Variants in STOX1 observed in about 807,000 individuals in gnomAD.
The protein encoded by STOX1 is storkhead box 1, also known as storkhead-box protein 1.
In STOX1, 57 loss-of-function variants were observed where a neutral mutation model predicts 74.8. The observed-to-expected ratio is 0.76, with a 90% CI of 0.62 to 0.95. The LOEUF (loss-of-function observed/expected upper bound fraction) is 0.95, where lower values mean the gene tolerates loss of function less well. Ranked by LOEUF, STOX1 falls within the 40% of genes least tolerant of loss-of-function variation. The pLI is 0.00. For missense variants in STOX1, 1,010 were observed against 1,117.0 expected, an observed-to-expected ratio of 0.90 and a Z score of 1.37; for synonymous variants, 375 against 401.3, an observed-to-expected ratio of 0.93 and a Z score of 0.78.
intron 1 of STOX1, among the ~76,000 whole-genome samples, chr10:68,875,102 A>C (rs1840643779): frequency 6.6e-6 from 1 of 152,144 alleles, no homozygotes; most frequent in African/African-American, 2.4e-5. Context: ...ATGTGGAGTG[A>C]ATGTACTATT....
intron 1 of STOX1, among the ~76,000 whole-genome samples, chr10:68,828,683 G>A (rs1328256433): frequency 1.3e-5 from 2 of 152,150 alleles, no homozygotes; most frequent in Non-Finnish European, 2.9e-5. Flanking sequence ...TACCATATCT[G>A]GCAGCTTTAT....
chr10:68,833,309 G>C (rs756424527), intron 1 of STOX1, among the ~76,000 whole-genome samples: 13 of 151,870 alleles, frequency 8.6e-5, no homozygotes, highest in Non-Finnish European at 1.8e-4. Context: ...GGCTGGTCTG[G>C]AACTCCCGAC....
At chr10:68,835,413 C>G (rs1407031798) in intron 1 of STOX1, among the ~76,000 whole-genome samples, 1 of 152,054 alleles carries the variant, frequency 6.6e-6, no homozygotes, top group Non-Finnish European at 1.5e-5. Flanking sequence ...GCCTTGAACT[C>G]CTGGGCTAAA....
chr10:68,888,053 T>G (rs1841005784), intron 3 of STOX1, among the ~76,000 whole-genome samples: 2 of 151,462 alleles, frequency 1.3e-5, no homozygotes, highest in African/African-American at 4.9e-5. Flanking sequence ...ACACCTATAC[T>G]TATTCTAACA....
At chr10:68,853,269 C>T (rs1035219146) in intron 1 of STOX1, among the ~76,000 whole-genome samples, 5 of 152,062 alleles carry the variant, frequency 3.3e-5, no homozygotes, top group African/African-American at 1.2e-4. Flanking sequence ...GGACCCAATC[C>T]GCTGGGTTCG....
At chr10:68,861,184 G>A (rs1336797689) in intron 1 of STOX1, among the ~76,000 whole-genome samples, 5 of 152,106 alleles carry the variant, frequency 3.3e-5, no homozygotes, top group African/African-American at 1.2e-4. Flanking sequence ...GTGGTATTGG[G>A]GGGCTAACAG....
chr10:68,888,840 G>A, intron 3 of STOX1, among the ~76,000 whole-genome samples: 1 of 92,314 alleles, frequency 1.1e-5, no homozygotes, highest in East Asian at 3.4e-4. Context: ...TTTTTGGAGA[G>A]ATGGGGTTTC....
At chr10:68,873,082 T>G (rs1205887360) in intron 1 of STOX1, among the ~76,000 whole-genome samples, 1 of 152,020 alleles carries the variant, frequency 6.6e-6, no homozygotes, top group Non-Finnish European at 1.5e-5. Flanking sequence ...TCATCATAGA[T>G]CACTGCAGCC....
At chr10:68,861,289 T>A (rs898028997) in intron 1 of STOX1, among the ~76,000 whole-genome samples, 3 of 152,126 alleles carry the variant, frequency 2.0e-5, no homozygotes, top group African/African-American at 7.3e-5. Context: ...ATAGATTAAC[T>A]AAAAGTATTC....
At chr10:68,832,196 G>A (rs1418995273) in intron 1 of STOX1, among the ~76,000 whole-genome samples, 2 of 152,130 alleles carry the variant, frequency 1.3e-5, no homozygotes, top group African/African-American at 4.8e-5. Context: ...GGGAGGTGGG[G>A]CACCTGTATT....
chr10:68,863,488 C>T (rs1054975543), intron 1 of STOX1, among the ~76,000 whole-genome samples: 6 of 151,854 alleles, frequency 4.0e-5, no homozygotes, highest in Non-Finnish European at 8.8e-5. Flanking sequence ...TGGATAATAG[C>T]TTTAGCTTCT....
At chr10:68,871,859 T>C (rs1840543037) in intron 1 of STOX1, among the ~76,000 whole-genome samples, 1 of 152,236 alleles carries the variant, frequency 6.6e-6, no homozygotes, top group African/African-American at 2.4e-5. Flanking sequence ...TTATCTTTAA[T>C]GAGGGGCATG....
Position 68,886,098 on chromosome 10 carries a change from C to T in STOX1, c.2302C>T (p.His768Tyr), listed in dbSNP as rs375614914. The T allele has an allele frequency of 6.2e-7, 1 of 1,614,168 alleles. No individual in the cohort carries two copies. Among genetic ancestry groups the T allele is most frequent in the Non-Finnish European group, 8.5e-7 (1 of 1,180,028 alleles). ...YSFTGGSQGN[H>Y]LGKQKVIERS... ...CTTCACAGGTGGAAGCCAGGGAAAT[C>T]ATTTAGGAAAACAAAAAGTGATTGA... Residue 768 changes from histidine (H) to tyrosine (Y), a missense_variant, in exon 3 of 4, where the codon CAT becomes TAT. His to Tyr is a moderately conservative substitution (Grantham distance 83). Coordinates refer to ENST00000298596, the MANE Select transcript of STOX1 (RefSeq NM_152709.5).
chr10:68,852,749 A>AT (rs928740304), intron 1 of STOX1, among the ~76,000 whole-genome samples: 8 of 145,764 alleles, frequency 5.5e-5, no homozygotes, highest in East Asian at 2.1e-4. Flanking sequence ...TGCCTGGCTA[A>AT]TTTTTTTTTT....
intron 1 of STOX1, among the ~76,000 whole-genome samples, chr10:68,832,053 C>T (rs565518138): frequency 3.3e-5 from 5 of 151,912 alleles, no homozygotes; most frequent in Non-Finnish European, 7.4e-5. Flanking sequence ...GTGTGAGCCA[C>T]CGCACCTGGC....
chr10:68,843,378 G>C (rs1182236195), intron 1 of STOX1, among the ~76,000 whole-genome samples: 3 of 152,304 alleles, frequency 2.0e-5, no homozygotes, highest in East Asian at 3.9e-4. Flanking sequence ...TTCATCAACA[G>C]GTCTGTGGAC....
chr10:68,855,131 T>TAAAAAA (rs1840088212), intron 1 of STOX1, among the ~76,000 whole-genome samples: 1 of 151,264 alleles, frequency 6.6e-6, no homozygotes, highest in Non-Finnish European at 1.5e-5. Context: ...AAAATTTTTT[T>TAAAAAA]TTTTTTTTTG....
chr10:68,842,650 C>T (rs1232730193), intron 1 of STOX1, among the ~76,000 whole-genome samples: 2 of 147,722 alleles, frequency 1.4e-5, no homozygotes, highest in Non-Finnish European at 3.0e-5. Flanking sequence ...AAGCAGTTCT[C>T]TGCCTCAGCC....
intron 1 of STOX1, among the ~76,000 whole-genome samples, chr10:68,870,890 T>C (rs746199283): frequency 3.9e-5 from 6 of 152,226 alleles, no homozygotes; most frequent in Non-Finnish European, 7.3e-5. Context: ...AGTCTCCTGA[T>C]AAAGCCTAGG....
Sources: gnomAD v4.1 joint callset for allele counts (sites outside exome capture counted in the v4.1 genomes callset) on GRCh38, gnomAD v4.1.1 for gene constraint, MANE v1.5 for transcripts, NCBI Gene and HGNC (gene_info 2026-07-23, HGNC 2026-07-21) for gene names.